The following CRHR2 variants were observed in gnomAD, a reference collection of about 807,000 sequenced individuals.
CRHR2 encodes corticotropin releasing hormone receptor 2, also known as corticotropin-releasing hormone receptor 2.
Under a neutral mutation model 57.9 loss-of-function variants are expected in CRHR2, and 53 were observed. The observed-to-expected ratio is 0.92, with a 90% CI of 0.73 to 1.15. The LOEUF (loss-of-function observed/expected upper bound fraction) is 1.15. CRHR2 is among the 50% of genes most tolerant of loss of function. CRHR2 has a pLI of 0.00. For missense variants in CRHR2, 532 were observed against 542.6 expected, an observed-to-expected ratio of 0.98 and a Z score of 0.19; for synonymous variants, 213 against 220.9, an observed-to-expected ratio of 0.96 and a Z score of 0.32.
chr7:30,699,951 A>G, exon 1 of CRHR2: 1 of 1,504,780 alleles, frequency 6.6e-7, no homozygotes, highest in Non-Finnish European at 8.9e-7. Context: ...TACGTATTGG[A>G]GCGGCGGTGG....
chr7:30,699,941 T>TAC (rs1485431627), intron 1 of CRHR2: 1 of 1,508,312 alleles, frequency 6.6e-7, no homozygotes, highest in South Asian at 1.3e-5. Flanking sequence ...TCCCTGCACT[T>TAC]ACGTATTGGA....
intron 1 of CRHR2, among the ~76,000 whole-genome samples, chr7:30,692,768 G>A (rs1251637307): frequency 6.6e-6 from 1 of 152,210 alleles, no homozygotes; most frequent in Admixed American, 6.5e-5. Context: ...AATCCTCACG[G>A]CAGTCTCTGA....
upstream of CRHR2, chr7:30,686,563 C>T (rs1784861414): frequency 9.9e-6 from 15 of 1,514,198 alleles, no homozygotes; most frequent in Non-Finnish European, 1.3e-5. Context: ...AATCTCAGCA[C>T]TTGGGGAAGC....
chr7:30,653,562 C>A lies in CRHR2; in HGVS notation c.1134G>T (p.Gln378His), dbSNP rs1365379332. The change falls in exon 12 of 12, where the codon CAG becomes CAT. Residue 378 changes from glutamine to histidine, a missense_variant. Coordinates refer to ENST00000471646, the MANE Select transcript of CRHR2 (RefSeq NM_001883.5). This position sits in a 1 kb window ranked among gnomAD's most constrained non-coding sequence, Gnocchi z 5.0. ...SAVRKRWHRW[Q>H]DHHSLRVPMA... ...TGGGGACTCGAAGGGAGTGATGGTCCTGCCAGCGGTGCCACCTCTTCCTCA... is the reference window on the plus strand; with the variant it reads ...TGGGGACTCGAAGGGAGTGATGGTCATGCCAGCGGTGCCACCTCTTCCTCA... 3.7e-6 allele frequency: 6 copies of A among 1,612,976 alleles called. No homozygotes were observed. Among genetic ancestry groups the A allele is most frequent in the Non-Finnish European group, 2.5e-6 (3 of 1,179,898 alleles).
At chr7:30,655,286 G>A (rs1783739561) in intron 10 of CRHR2, among the ~76,000 whole-genome samples, 1 of 152,140 alleles carries the variant, frequency 6.6e-6, no homozygotes, top group Admixed American at 6.5e-5. Context: ...CCTGGAGCCA[G>A]GCAGACTCCG....
chr7:30,662,896 A>G (rs558032968), intron 5 of CRHR2, 49 bp from the exon 6 acceptor site: 1 of 1,594,164 alleles, frequency 6.3e-7, no homozygotes, highest in Non-Finnish European at 8.6e-7. Flanking sequence ...GGGCCCAGGT[A>G]GGACATACCC....
At chr7:30,659,912 G>T (rs1378455708) in intron 8 of CRHR2, among the ~76,000 whole-genome samples, 1 of 152,140 alleles carries the variant, frequency 6.6e-6, no homozygotes, top group African/African-American at 2.4e-5. Context: ...TTCTTACGGG[G>T]CTTTTTTGTA....
At chr7:30,694,285 C>A (rs1000739025) in intron 1 of CRHR2, among the ~76,000 whole-genome samples, 1 of 152,240 alleles carries the variant, frequency 6.6e-6, no homozygotes, top group Admixed American at 6.5e-5. Context: ...TGGTTCCCGC[C>A]TCTCAGTGCC....
rs73296233 is a variant in CRHR2, at chr7:30,699,294, C to T, written c.-261+650G>A. Among the ~76,000 whole-genome samples the T allele has an allele frequency of 5.2e-3, 790 of 152,244 alleles. 10 individuals carry two copies. The highest frequency in any genetic ancestry group is 0.018 in the African/African-American group (737 of 41,520). On this transcript the variant is annotated intron_variant, in intron 1 of 13. Coordinates refer to the CRHR2 transcript ENST00000341843. ...TGGCCCCTGACTCTGGACAAAGGCACGGGGTGTGGCTGGATGAAGCTCTGA... is the reference window on the plus strand; with the variant it reads ...TGGCCCCTGACTCTGGACAAAGGCATGGGGTGTGGCTGGATGAAGCTCTGA...
chr7:30,655,087 A>G lies in CRHR2; in HGVS notation c.1054-7T>C, dbSNP rs759126522. ...AGACAGACACGAAGAAACCCTGGAA[A>G]GGAGGGAAAGGAGGGAGTGGTCAGT... On this transcript the variant is annotated splice_region_variant and splice_polypyrimidine_tract_variant and intron_variant, in intron 10 of 11. Coordinates refer to ENST00000471646, the MANE Select transcript of CRHR2 (RefSeq NM_001883.5). The G allele has an allele frequency of 1.1e-5, 17 of 1,612,506 alleles. No individual in the cohort carries two copies. The South Asian group carries it at 1.8e-4, about 17-fold the overall frequency.
chr7:30,664,985 T>C lies in CRHR2; in HGVS notation c.543+85A>G, dbSNP rs1042762266. On this transcript the variant is annotated intron_variant, in intron 5 of 11. Transcript: ENST00000471646. ...AGTGAGCTTCCTGACAAAGGAGGGG[T>C]CCAAGCAGAGACCAGACAGACAGAT... The C allele has an allele frequency of 8.9e-5, 97 of 1,086,752 alleles. 1 individual carries two copies. In the Admixed American group the frequency reaches 1.6e-3, roughly 18 times the overall value. The allele number at this position is 1,086,752 out of a possible 1,614,324, so 67.3% of individuals were successfully genotyped here. A position where few individuals can be genotyped will look rare whatever the true frequency, so the allele number is the denominator to read the frequency against.
upstream of CRHR2, among the ~76,000 whole-genome samples, chr7:30,685,853 C>A (rs535387916): frequency 2.6e-5 from 4 of 152,330 alleles, no homozygotes; most frequent in Admixed American, 2.6e-4. Context: ...TAATTACGAT[C>A]CTGTCACTCT....
At chr7:30,699,954 G>A (rs746627066) in exon 1 of CRHR2, 7 of 1,502,212 alleles carry the variant, frequency 4.7e-6, no homozygotes, top group South Asian at 2.5e-5. Flanking sequence ...GTATTGGAGC[G>A]GCGGTGGGAG....
intron 5 of CRHR2, among the ~76,000 whole-genome samples, chr7:30,664,393 C>T (rs1331406591): frequency 2.6e-5 from 4 of 152,144 alleles, no homozygotes; most frequent in Non-Finnish European, 4.4e-5. Context: ...GTGACCTTGG[C>T]GAGTCACTTA....
At chr7:30,699,881 T>A in intron 1 of CRHR2, 1 of 1,285,324 alleles carries the variant, frequency 7.8e-7, no homozygotes, top group Non-Finnish European at 1.0e-6. Context: ...CCCCTAGTCA[T>A]GAGAGCTGGG....
chr7:30,680,852 G>A (rs9639621), intron 2 of CRHR2, among the ~76,000 whole-genome samples: 1 of 145,160 alleles, frequency 6.9e-6, no homozygotes, highest in African/African-American at 2.5e-5. Flanking sequence ...GTGTGTGTGT[G>A]TGTATGTGTG....
intron 5 of CRHR2, among the ~76,000 whole-genome samples, chr7:30,664,367 G>C (rs1784111142): frequency 6.6e-6 from 1 of 152,196 alleles, no homozygotes. Context: ...CTTATGTAGA[G>C]GTATCATCAC....
At chr7:30,692,953 G>A (rs1033754978) in intron 1 of CRHR2, among the ~76,000 whole-genome samples, 1 of 152,174 alleles carries the variant, frequency 6.6e-6, no homozygotes, top group Non-Finnish European at 1.5e-5. Flanking sequence ...GGGTGAGGAA[G>A]TGAAGACCTG....
chr7:30,653,228 CAG>C lies in CRHR2; in HGVS notation c.*230_*231del, dbSNP rs1491315338. The C allele has an allele frequency of 3.6e-6, 2 of 549,510 alleles. No individual in the cohort carries two copies. The allele number at this position is 549,510 out of a possible 1,614,324, so 34.0% of individuals were successfully genotyped here. On this transcript the variant is annotated 3_prime_UTR_variant, in exon 12 of 12. Transcript: ENST00000471646. This position sits in a 1 kb window ranked among gnomAD's most constrained non-coding sequence, Gnocchi z 5.0. The stretch of plus-strand genomic sequence containing the variant: ...CTGCAGACATCTGACTGGCTCTTCT[CAG>C]GGGGTCCTGTGAATTCCCTCTGCTT...
Sources: gnomAD v4.1 joint callset for allele counts (sites outside exome capture counted in the v4.1 genomes callset) on GRCh38, gnomAD v4.1.1 for gene constraint, Gnocchi (gnomAD v3.1) non-coding constraint, MANE v1.5 for transcripts, NCBI Gene and HGNC (gene_info 2026-07-23, HGNC 2026-07-21) for gene names.